Variants in SSUH2 observed in about 807,000 individuals in gnomAD.
The protein encoded by SSUH2 is protein SSUH2 homolog.
Under a neutral mutation model 55.3 loss-of-function variants are expected in SSUH2, and 47 were observed. The ratio of observed to expected loss-of-function variants is 0.85; its 90% confidence interval spans 0.67 to 1.08. SSUH2 has a LOEUF of 1.08. Among genes scored for constraint, SSUH2 ranks in the 50% least tolerant of loss-of-function variants. The probability of loss-of-function intolerance (pLI) is 0.00; values close to 1 mark genes in which losing one functional copy is unlikely to be tolerated. For missense variants in SSUH2, 535 were observed against 490.7 expected, an observed-to-expected ratio of 1.09 and a Z score of -0.85; for synonymous variants, 212 against 191.5, an observed-to-expected ratio of 1.11 and a Z score of -0.89.
chr3:8,650,895 G>A lies in SSUH2; in HGVS notation c.-307+8030C>T, dbSNP rs528206235. On this transcript the variant is annotated intron_variant, in intron 7 of 18. Coordinates refer to the SSUH2 transcript ENST00000317371. Reference sequence around the variant, plus strand: ...AACTAAAACCAGTTTCTGTGGTTCCGGCTGCTGTCCTCACTGGGCTAGAAA... The same window carrying A: ...AACTAAAACCAGTTTCTGTGGTTCCAGCTGCTGTCCTCACTGGGCTAGAAA... Among the ~76,000 whole-genome samples, 87 of 152,316 alleles carry A rather than the reference G, an allele frequency of 5.7e-4. 1 individual carries two copies. Among genetic ancestry groups the A allele is most frequent in the African/African-American group, 1.9e-3 (81 of 41,560 alleles).
chr3:8,644,812 T>C (rs1269811277), upstream of SSUH2: 5 of 1,499,144 alleles, frequency 3.3e-6, no homozygotes, highest in Admixed American at 9.8e-5. Context: ...CTTGGACCGA[T>C]GTGCTCTGAT....
chr3:8,650,865 A>T (rs193225575), intron 7 of SSUH2, among the ~76,000 whole-genome samples: 2 of 152,332 alleles, frequency 1.3e-5, no homozygotes, highest in East Asian at 3.9e-4. Flanking sequence ...GCTTCAGATT[A>T]AACCAACTAA....
At chr3:8,635,404 G>T in intron 2 of SSUH2, 23 bp from the exon 3 acceptor site, 3 of 1,511,792 alleles carry the variant, frequency 2.0e-6, no homozygotes, top group East Asian at 2.5e-5. Flanking sequence ...AGAGTCAGGG[G>T]CTGGACAGCC....
intron 1 of SSUH2, among the ~76,000 whole-genome samples, chr3:8,642,931 C>G (rs570076868): frequency 6.6e-6 from 1 of 152,296 alleles, no homozygotes; most frequent in Non-Finnish European, 1.5e-5. Flanking sequence ...CCCAAGTGCT[C>G]ACCTGAGTTC....
In SSUH2 at chr3:8,678,770, C is replaced by A. The variant is rs563615301; in HGVS notation, c.-901+935G>T. On this transcript the variant is annotated intron_variant, in intron 2 of 18. Transcript: ENST00000317371. ...GCGAGGCGGGGAAAGAGAGCCAGCC[C>A]CTCTTCCCTCCCTGCCACTTAGGAC... Among the ~76,000 whole-genome samples, 46 of 104,610 alleles carry A rather than the reference C, an allele frequency of 4.4e-4. 11 individuals carry two copies. The highest frequency in any genetic ancestry group is 1.6e-3 in the Admixed American group (17 of 10,388). The allele number at this position is 104,610 out of a possible 152,430, so 68.6% of individuals were successfully genotyped here.
chr3:8,659,185 GTCTT>G (rs1310138803), intron 6 of SSUH2, among the ~76,000 whole-genome samples: 1 of 152,136 alleles, frequency 6.6e-6, no homozygotes, highest in African/African-American at 2.4e-5. Flanking sequence ...ATGTTTCATT[GTCTT>G]TCTTTGTGGT....
At chr3:8,671,224 T>A (rs1704526676) in intron 4 of SSUH2, 1 of 163,908 alleles carries the variant, frequency 6.1e-6, no homozygotes, top group Non-Finnish European at 1.4e-5. Context: ...CTATAGAACA[T>A]TGCACGTAAC....
rs147629637 is a variant in SSUH2 at position 8,626,303 on chromosome 3, C to T, written c.693G>A (p.Gly231=). Residue 231 remains glycine, a synonymous_variant, in exon 9 of 12, where the codon GGG becomes GGA. Coordinates refer to ENST00000544814, the MANE Select transcript of SSUH2 (RefSeq NM_001256748.3). ...SGRRRCSTCS[G]RGNKTCATCK... is the part of the protein sequence containing the mutation. ...AGGTGGCGCAGGTCTTGTTCCCTCTCCCTGAGCAAGTGCTGCATCTGAGAA... is the reference window on the plus strand; with the variant it reads ...AGGTGGCGCAGGTCTTGTTCCCTCTTCCTGAGCAAGTGCTGCATCTGAGAA... The T allele has an allele frequency of 1.4e-4, 226 of 1,614,124 alleles. No individual in the cohort carries two copies. Among genetic ancestry groups the T allele is most frequent in the Middle Eastern group, 6.6e-4 (4 of 6,062 alleles).
intron 5 of SSUH2, among the ~76,000 whole-genome samples, chr3:8,631,678 G>A (rs778501636): frequency 3.3e-5 from 5 of 152,074 alleles, no homozygotes; most frequent in African/African-American, 9.7e-5. Context: ...GTGGCAAGGC[G>A]AATGGGGAGC....
chr3:8,664,308 T>G (rs1703776509), intron 5 of SSUH2, among the ~76,000 whole-genome samples: 1 of 152,258 alleles, frequency 6.6e-6, no homozygotes, highest in Non-Finnish European at 1.5e-5. Context: ...GGCAGCCATC[T>G]GCCACAGATC....
Position 8,633,746 on chromosome 3 carries a change from CA to C in SSUH2, c.258del (p.Phe86LeufsTer21). On this transcript the variant is annotated frameshift_variant, in exon 4 of 12. Coordinates refer to ENST00000544814, the MANE Select transcript of SSUH2 (RefSeq NM_001256748.3). LOFTEE classifies it high-confidence loss of function. The stretch of plus-strand genomic sequence containing the variant: ...CTGCTGTAGCAGCACTTAGAGTCCA[CA>C]AAGCTGAGGAGGGCTTCCCGGGCCA... ...EEVAREALLS[F>X]VDSKCCYSST... is the part of the protein sequence containing the mutation. 1 of 1,606,492 alleles carries C rather than the reference CA, an allele frequency of 6.2e-7. No individual in the cohort carries two copies. Among genetic ancestry groups the C allele is most frequent in the Non-Finnish European group, 8.5e-7 (1 of 1,175,866 alleles).
chr3:8,680,389 G>A (rs1025747934), intron 1 of SSUH2, among the ~76,000 whole-genome samples: 6 of 152,022 alleles, frequency 3.9e-5, no homozygotes, highest in Non-Finnish European at 4.4e-5. Context: ...ATATCCTCTC[G>A]CTCTCTGGAG....
Position 8,635,811 on chromosome 3 carries a change from G to A in SSUH2, c.75C>T (p.Pro25=), listed in dbSNP as rs576484052. The A allele has an allele frequency of 3.3e-6, 5 of 1,535,948 alleles. No homozygotes were observed. Among genetic ancestry groups the A allele is most frequent in the Non-Finnish European group, 4.4e-6 (5 of 1,146,830 alleles). ...TGGGCAGTCTCTCCAGGAGCTCTGT[G>A]GGGGGCGCCAGAGGACTCTCGGCCT... is the stretch of plus-strand genomic sequence containing the variant. The part of the protein sequence containing the change: ...SFEAESPLAP[P]TELLERLPSY... The change falls in exon 2 of 12, where the codon CCC becomes CCT. Residue 25 remains proline, a synonymous_variant. Coordinates refer to ENST00000544814, the MANE Select transcript of SSUH2 (RefSeq NM_001256748.3).
intron 5 of SSUH2, among the ~76,000 whole-genome samples, chr3:8,666,973 C>T (rs116284883): frequency 1.2e-3 from 180 of 152,316 alleles, no homozygotes; most frequent in African/African-American, 4.1e-3. Flanking sequence ...AGCTTCCATG[C>T]CCTCCCATGC....
At chr3:8,648,487 C>T (rs1292225802), upstream of SSUH2, among the ~76,000 whole-genome samples, 2 of 152,186 alleles carry the variant, frequency 1.3e-5, no homozygotes, top group Non-Finnish European at 2.9e-5. Flanking sequence ...AGGAAGGTCA[C>T]CTTCCACCTT....
At chr3:8,644,147 T>C (rs1473232123) in intron 1 of SSUH2, among the ~76,000 whole-genome samples, 3 of 152,226 alleles carry the variant, frequency 2.0e-5, no homozygotes, top group Non-Finnish European at 4.4e-5. Context: ...GTCCCGGTAG[T>C]GACAGGATGG....
chr3:8,658,957 T>G (rs145183226), exon 7 of SSUH2: 211 of 152,376 alleles, frequency 1.4e-3, no homozygotes, highest in African/African-American at 4.5e-3. Flanking sequence ...GCATGTTGCT[T>G]CCATGTTATC....
chr3:8,628,823 G>A (rs562849728), intron 7 of SSUH2, among the ~76,000 whole-genome samples: 20 of 152,274 alleles, frequency 1.3e-4, no homozygotes, highest in East Asian at 7.7e-4. Context: ...CTCCGGAACC[G>A]TGATATAATA....
chr3:8,659,842 G>A (rs1703301093), intron 6 of SSUH2: 1 of 454,726 alleles, frequency 2.2e-6, no homozygotes, highest in African/African-American at 2.0e-5. Context: ...GAGGCAATTA[G>A]AACACAGTCA....
Sources: gnomAD v4.1 joint callset for allele counts (sites outside exome capture counted in the v4.1 genomes callset) on GRCh38, gnomAD v4.1.1 for gene constraint, MANE v1.5 for transcripts, NCBI Gene and HGNC (gene_info 2026-07-23, HGNC 2026-07-21) for gene names.